CPA6: variants seen among roughly 807,000 people sequenced by gnomAD.
CPA6 encodes carboxypeptidase B.
Under a neutral mutation model 63.3 loss-of-function variants are expected in CPA6, and 58 were observed. The ratio of observed to expected loss-of-function variants is 0.92; its 90% CI spans 0.74 to 1.14. CPA6 has a LOEUF of 1.14. Ranked by LOEUF, CPA6 falls within the 50% of genes most tolerant of loss-of-function variation. The probability of loss-of-function intolerance (pLI) is 0.00; values close to 1 mark genes in which losing one functional copy is unlikely to be tolerated. For missense variants in CPA6, 565 were observed against 526.6 expected (o/e 1.07, Z -0.71); for synonymous variants, 185 against 179.0 (o/e 1.03, Z -0.27).
At chr8:67,728,891 C>T (rs1587733780) in intron 1 of CPA6, among the ~76,000 whole-genome samples, 1 of 152,352 alleles carries the variant, frequency 6.6e-6, no homozygotes, top group East Asian at 1.9e-4. Flanking sequence ...TCTCTAACCA[C>T]ATGTGTAGAG....
rs541047946 is a variant in CPA6 at position 67,540,934 on chromosome 8, C to T, written c.193-22887G>A. On this transcript the variant is annotated intron_variant, in intron 2 of 10. Transcript: ENST00000297770. ...TTTCAAGCCAGTGGATCTTAGCTTG[C>T]TGGGCTCCATGGGGGTGGGATCCAC... Among the ~76,000 whole-genome samples, 16 of 152,326 alleles carry T rather than the reference C, an allele frequency of 1.1e-4. No individual in the cohort carries two copies. The East Asian group carries it at 1.5e-3, about 15-fold the overall frequency.
At chr8:67,682,478 G>C (rs1024862415) in intron 1 of CPA6, among the ~76,000 whole-genome samples, 3 of 152,052 alleles carry the variant, frequency 2.0e-5, no homozygotes, top group Non-Finnish European at 4.4e-5. Context: ...TAATGTTCTT[G>C]TCTACTTATT....
At chr8:67,499,602 C>G (rs765621021) in intron 6 of CPA6, among the ~76,000 whole-genome samples, 23 of 152,270 alleles carry the variant, frequency 1.5e-4, no homozygotes, top group Non-Finnish European at 2.9e-4. Flanking sequence ...TCCATCCTCA[C>G]ACACATTCCT....
chr8:67,580,022 G>T (rs995892925), intron 2 of CPA6, among the ~76,000 whole-genome samples: 1 of 152,196 alleles, frequency 6.6e-6, no homozygotes, highest in South Asian at 2.1e-4. Context: ...TGGGACCAAA[G>T]GCAGAGAGTG....
chr8:67,566,355 G>A (rs944492360), intron 2 of CPA6, among the ~76,000 whole-genome samples: 1 of 152,198 alleles, frequency 6.6e-6, no homozygotes, highest in African/African-American at 2.4e-5. Flanking sequence ...AGCAGGAAAT[G>A]TCCAGGAAGT....
chr8:67,591,797 G>C (rs1274026997), intron 2 of CPA6, among the ~76,000 whole-genome samples: 2 of 152,162 alleles, frequency 1.3e-5, no homozygotes, highest in Non-Finnish European at 2.9e-5. Flanking sequence ...CTGAGACAAT[G>C]GGGTTTTCTA....
chr8:67,434,935 G>A (rs1425363088), intron 8 of CPA6, among the ~76,000 whole-genome samples: 5 of 152,236 alleles, frequency 3.3e-5, no homozygotes, highest in Non-Finnish European at 5.9e-5. Flanking sequence ...TGGAGCAGGC[G>A]CCTGCGCCCA....
intron 1 of CPA6, among the ~76,000 whole-genome samples, chr8:67,715,591 C>T (rs542262712): frequency 1.3e-5 from 2 of 152,314 alleles, no homozygotes; most frequent in South Asian, 2.1e-4. Context: ...GAAAAACACT[C>T]GGTTATTTCC....
intron 1 of CPA6, among the ~76,000 whole-genome samples, chr8:67,628,803 T>A (rs919693328): frequency 6.6e-6 from 1 of 152,198 alleles, no homozygotes; most frequent in African/African-American, 2.4e-5. Flanking sequence ...TAAGTTCCTA[T>A]GGGCATATTT....
intron 1 of CPA6, among the ~76,000 whole-genome samples, chr8:67,721,673 C>T (rs1384328152): frequency 1.3e-5 from 2 of 152,078 alleles, no homozygotes; most frequent in African/African-American, 4.8e-5. Flanking sequence ...ACAAAAAACC[C>T]CTATCACGGA....
chr8:67,688,141 T>G (rs941750442), intron 1 of CPA6, among the ~76,000 whole-genome samples: 2 of 152,152 alleles, frequency 1.3e-5, no homozygotes, highest in African/African-American at 4.8e-5. Flanking sequence ...TTCACTGAAC[T>G]CCAGCCTGGG....
At chr8:67,515,030 C>T (rs908135005) in intron 3 of CPA6, among the ~76,000 whole-genome samples, 1 of 152,196 alleles carries the variant, frequency 6.6e-6, no homozygotes, top group Non-Finnish European at 1.5e-5. Context: ...TGCCATTTGG[C>T]AACCCTTGGC....
chr8:67,443,918 T>C (rs528989170), intron 8 of CPA6, among the ~76,000 whole-genome samples: 1 of 152,064 alleles, frequency 6.6e-6, no homozygotes, highest in Admixed American at 6.5e-5. Flanking sequence ...GGTGACTGGT[T>C]GAATATGTAA....
chr8:67,561,594 A>G (rs955345862), intron 2 of CPA6, among the ~76,000 whole-genome samples: 1 of 152,188 alleles, frequency 6.6e-6, no homozygotes, highest in East Asian at 1.9e-4. Context: ...GAAACTAAAG[A>G]GATATGACAA....
intron 2 of CPA6, among the ~76,000 whole-genome samples, chr8:67,584,489 A>G (rs997008806): frequency 7.2e-5 from 11 of 152,226 alleles, no homozygotes; most frequent in Admixed American, 7.2e-4. Context: ...GGCCTAGCTG[A>G]CTTGACGGAG....
chr8:67,666,353 T>G (rs1467822580), intron 1 of CPA6, among the ~76,000 whole-genome samples: 1 of 152,070 alleles, frequency 6.6e-6, no homozygotes, highest in African/African-American at 2.4e-5. Context: ...CAGTGTACAG[T>G]GCTACCCATT....
intron 1 of CPA6, among the ~76,000 whole-genome samples, chr8:67,741,826 CAATAGA>C (rs1011342264): frequency 1.3e-4 from 20 of 151,460 alleles, no homozygotes; most frequent in Non-Finnish European, 2.9e-5. Flanking sequence ...AACGTAATAA[CAATAGA>C]AATAAAGTGC....
chr8:67,545,562 ACTT>A (rs1812796463), intron 2 of CPA6, among the ~76,000 whole-genome samples: 1 of 67,680 alleles, frequency 1.5e-5, no homozygotes, highest in East Asian at 6.3e-4. Flanking sequence ...TGCTACTGTT[ACTT>A]TTTTTTTTTT....
chr8:67,634,179 A>AATTATTATTATT (rs36123716), intron 1 of CPA6, among the ~76,000 whole-genome samples: 7 of 139,914 alleles, frequency 5.0e-5, no homozygotes, highest in East Asian at 2.0e-4. Flanking sequence ...CACTGGATTT[A>AATTATTATTATT]ATTATTATTA....
Sources: allele counts gnomAD v4.1 joint callset (sites outside exome capture counted in the v4.1 genomes callset), GRCh38; gene constraint gnomAD v4.1.1; transcripts MANE v1.5; gene names NCBI Gene and HGNC (gene_info 2026-07-23, HGNC 2026-07-21).